FGD3: variants seen among roughly 807,000 people sequenced by gnomAD.
FGD3 encodes FYVE, RhoGEF and PH domain containing 3, also known as FYVE, RhoGEF and PH domain-containing protein 3.
Under a neutral mutation model 71.8 loss-of-function variants are expected in FGD3, and 45 were observed. That is an observed-to-expected ratio of 0.63 (90% CI 0.49 to 0.80). FGD3 has a LOEUF of 0.80. Among genes scored for constraint, FGD3 ranks in the 30% least tolerant of loss-of-function variants. The pLI, the probability that FGD3 is intolerant of heterozygous loss-of-function variation, is 0.00. For missense variants in FGD3, 844 were observed against 951.5 expected, an observed-to-expected ratio of 0.89 and a Z score of 1.49; for synonymous variants, 378 against 392.8, an observed-to-expected ratio of 0.96 and a Z score of 0.44.
chr9:93,004,426 G>A (rs1030612012), intron 5 of FGD3, among the ~76,000 whole-genome samples: 1 of 152,214 alleles, frequency 6.6e-6, no homozygotes, highest in Non-Finnish European at 1.5e-5. Context: ...TTGACATCTG[G>A]AAACACCACA....
intron 3 of FGD3, among the ~76,000 whole-genome samples, chr9:92,999,668 G>C (rs10992572): frequency 6.7e-6 from 1 of 149,594 alleles, no homozygotes; most frequent in South Asian, 2.1e-4. Context: ...ATCTCAGCTC[G>C]CTGTAACCTC....
chr9:93,010,151 G>T (rs916113934), intron 6 of FGD3, 95 bp from the exon 7 acceptor site: 5 of 1,464,960 alleles, frequency 3.4e-6, no homozygotes, highest in African/African-American at 2.8e-5. Flanking sequence ...AGCCAGTTCC[G>T]GGCAGCTTCC....
intron 1 of FGD3, among the ~76,000 whole-genome samples, chr9:92,966,723 C>T (rs1859340967): frequency 6.6e-6 from 1 of 152,182 alleles, no homozygotes. Flanking sequence ...GGGCTGAGCT[C>T]CGCAGCCTCA....
At chr9:92,999,737 G>T (rs752213470) in intron 3 of FGD3, among the ~76,000 whole-genome samples, 1 of 151,934 alleles carries the variant, frequency 6.6e-6, no homozygotes, top group Admixed American at 6.6e-5. Flanking sequence ...GGGATTACAG[G>T]TGCCTACTAT....
At chr9:93,025,966 C>G (rs1398020933) in intron 14 of FGD3, among the ~76,000 whole-genome samples, 1 of 152,256 alleles carries the variant, frequency 6.6e-6, no homozygotes, top group African/African-American at 2.4e-5. Context: ...CCTGGCCACC[C>G]TCCTGTTGGA....
chr9:92,971,505 C>A (rs1292569831), intron 1 of FGD3, among the ~76,000 whole-genome samples: 1 of 148,038 alleles, frequency 6.8e-6, no homozygotes, highest in South Asian at 2.2e-4. Flanking sequence ...CTGAAACTCA[C>A]GAAGTTTGTA....
At chr9:93,009,200 T>C (rs900565869) in intron 6 of FGD3, among the ~76,000 whole-genome samples, 4 of 151,666 alleles carry the variant, frequency 2.6e-5, no homozygotes, top group Non-Finnish European at 5.9e-5. Flanking sequence ...GAGGCGGAGG[T>C]TGCAGTGAGC....
intron 15 of FGD3, among the ~76,000 whole-genome samples, chr9:93,030,543 G>C (rs1862313698): frequency 6.6e-6 from 1 of 152,202 alleles, no homozygotes. Flanking sequence ...GTATCCCTGA[G>C]GAAGGAACTG....
At chr9:92,959,083 T>C (rs910206900) in intron 1 of FGD3, among the ~76,000 whole-genome samples, 2 of 152,082 alleles carry the variant, frequency 1.3e-5, no homozygotes, top group South Asian at 4.1e-4. Context: ...CCTTAGCCTC[T>C]CCAGTAGCTG....
intron 1 of FGD3, among the ~76,000 whole-genome samples, chr9:92,948,881 C>T (rs541745935): frequency 6.6e-6 from 1 of 152,334 alleles, no homozygotes; most frequent in South Asian, 2.1e-4. Context: ...AGCTCATTCA[C>T]TGAGAGTTAG....
At chr9:92,955,597 C>T (rs1296107940) in intron 1 of FGD3, among the ~76,000 whole-genome samples, 2 of 152,092 alleles carry the variant, frequency 1.3e-5, no homozygotes, top group African/African-American at 4.8e-5. Context: ...TGGGCCTTTA[C>T]CCGGGATTTC....
intron 3 of FGD3, among the ~76,000 whole-genome samples, chr9:92,986,203 A>G (rs886563509): frequency 2.6e-5 from 4 of 152,146 alleles, no homozygotes; most frequent in Non-Finnish European, 5.9e-5. Flanking sequence ...TCTTGTGCCT[A>G]TGGACTTCAG....
At chr9:92,992,816 G>A (rs1587837002) in intron 3 of FGD3, among the ~76,000 whole-genome samples, 1 of 152,192 alleles carries the variant, frequency 6.6e-6, no homozygotes, top group Non-Finnish European at 1.5e-5. Context: ...ATCCTAATCC[G>A]GGTGATGTAG....
intron 1 of FGD3, among the ~76,000 whole-genome samples, chr9:92,970,430 C>A (rs1859489501): frequency 6.6e-6 from 1 of 152,152 alleles, no homozygotes; most frequent in Non-Finnish European, 1.5e-5. Flanking sequence ...GTCTGGAGAA[C>A]AAAAGAGAGG....
At chr9:92,988,901 T>TC (rs1325270574) in intron 3 of FGD3, among the ~76,000 whole-genome samples, 1 of 152,184 alleles carries the variant, frequency 6.6e-6, no homozygotes. Flanking sequence ...GTCTGTAAGT[T>TC]CCCCAATAAA....
chr9:92,961,798 C>T (rs1213279889), intron 1 of FGD3, among the ~76,000 whole-genome samples: 1 of 152,210 alleles, frequency 6.6e-6, no homozygotes, highest in Non-Finnish European at 1.5e-5. Context: ...GGCCTGGGGC[C>T]TTAGTTCCTC....
At chr9:92,976,118 T>G in intron 2 of FGD3, 90 bp from the exon 3 acceptor site, 1 of 760,616 alleles carries the variant, frequency 1.3e-6, no homozygotes, top group South Asian at 2.0e-5. Context: ...GGGCGGAGGG[T>G]ACTGCCTGGG....
chr9:93,021,219 C>T (rs1480588622), intron 13 of FGD3, among the ~76,000 whole-genome samples: 4 of 152,202 alleles, frequency 2.6e-5, no homozygotes, highest in Non-Finnish European at 5.9e-5. Flanking sequence ...TGGCTCAGAG[C>T]CCCTTGAGGG....
chr9:93,002,975 C>G lies in FGD3; in HGVS notation c.504C>G (p.Thr168=), dbSNP rs756754777. The stretch of plus-strand genomic sequence containing the variant: ...ACATTGCCCAGGAGCTCCTGCACAC[C>G]GAGGAGACCTATGTGAAGCGGCTGC... The part of the protein sequence containing the change: ...LLHIAQELLH[T]EETYVKRLHL... The change falls in exon 4 of 18, where the codon ACC becomes ACG. Residue 168 remains threonine (T), a synonymous_variant. Transcript: ENST00000375482. The G allele has an allele frequency of 1.2e-6, 2 of 1,614,116 alleles. No individual in the cohort carries two copies. The highest frequency in any genetic ancestry group is 2.2e-5 in the East Asian group (1 of 44,884).
Sources: gnomAD v4.1 joint callset for allele counts (sites outside exome capture counted in the v4.1 genomes callset) on GRCh38, gnomAD v4.1.1 for gene constraint, MANE v1.5 for transcripts, NCBI Gene and HGNC (gene_info 2026-07-23, HGNC 2026-07-21) for gene names.